The following MARCHF5 variants were observed in gnomAD, a reference collection of about 807,000 sequenced individuals.
The protein encoded by MARCHF5 is membrane associated ring-CH-type finger 5, also known as E3 ubiquitin-protein ligase MARCHF5.
Under a neutral mutation model 36.5 loss-of-function variants are expected in MARCHF5, and 5 were observed. The observed-to-expected ratio is 0.14, with a 90% CI of 0.07 to 0.29. The LOEUF (loss-of-function observed/expected upper bound fraction) is 0.29, where lower values mean the gene tolerates loss of function less well. Among genes scored for constraint, MARCHF5 ranks in the 10% least tolerant of loss-of-function variants. MARCHF5 has a pLI of 1.00. For missense variants in MARCHF5, 179 were observed against 336.3 expected, an observed-to-expected ratio of 0.53 and a Z score of 3.66; for synonymous variants, 103 against 109.9, an observed-to-expected ratio of 0.94 and a Z score of 0.39.
intron 2 of MARCHF5, among the ~76,000 whole-genome samples, chr10:92,331,889 G>T (rs372920281): frequency 2.2e-4 from 7 of 31,540 alleles, no homozygotes; most frequent in Non-Finnish European, 4.2e-4. Flanking sequence ...TCATATATAT[G>T]TATATATAAT....
At chr10:92,324,166 A>G (rs1420679262) in intron 2 of MARCHF5, among the ~76,000 whole-genome samples, 1 of 152,168 alleles carries the variant, frequency 6.6e-6, no homozygotes, top group Non-Finnish European at 1.5e-5. Flanking sequence ...GCATTTGTTT[A>G]TATGCCATCT....
chr10:92,338,664 C>T (rs1396371762), intron 2 of MARCHF5, among the ~76,000 whole-genome samples: 2 of 152,202 alleles, frequency 1.3e-5, no homozygotes, highest in Non-Finnish European at 2.9e-5. Context: ...AGTCTGTCTT[C>T]ATACAGTGAC....
intron 2 of MARCHF5, among the ~76,000 whole-genome samples, chr10:92,314,900 C>T (rs1464171567): frequency 6.6e-6 from 1 of 152,148 alleles, no homozygotes; most frequent in Non-Finnish European, 1.5e-5. Context: ...GCATTCTTAA[C>T]ATGCTGAAGA....
intron 2 of MARCHF5, among the ~76,000 whole-genome samples, chr10:92,320,628 A>G (rs1843279423): frequency 6.6e-6 from 1 of 151,244 alleles, no homozygotes; most frequent in Non-Finnish European, 1.5e-5. Flanking sequence ...TTTAAAAAGT[A>G]AGAATAATAA....
At chr10:92,315,468 A>T (rs1273927284) in intron 2 of MARCHF5, among the ~76,000 whole-genome samples, 1 of 152,206 alleles carries the variant, frequency 6.6e-6, no homozygotes, top group Non-Finnish European at 1.5e-5. Context: ...TCTTTTAATG[A>T]CAGAATTCAT....
intron 2 of MARCHF5, among the ~76,000 whole-genome samples, chr10:92,317,264 A>G (rs1384984820): frequency 6.6e-6 from 1 of 151,778 alleles, no homozygotes; most frequent in East Asian, 1.9e-4. Flanking sequence ...ACGCCTGACT[A>G]ATTTTTGTAT....
At chr10:92,340,847 T>A in intron 3 of MARCHF5, 44 bp downstream of exon 3, 1 of 1,469,840 alleles carries the variant, frequency 6.8e-7, no homozygotes, top group Non-Finnish European at 9.1e-7. Flanking sequence ...GGTGTGAAGA[T>A]CTATTAAAAC....
chr10:92,311,452 C>T lies in MARCHF5; in HGVS notation c.238+115C>T, dbSNP rs570719612. 16 of 689,426 alleles carry T rather than the reference C, an allele frequency of 2.3e-5. No individual in the cohort carries two copies. The East Asian group carries it at 3.0e-4, about 13-fold the overall frequency. 42.7% of individuals were successfully genotyped at this position (689,426 alleles called of 1,614,324 possible). ...TTTAGGGTGTGAATTTCTATATTCC[C>T]TTTCTCTTGTTTCCTCTCTGAATGT... On this transcript the variant is annotated intron_variant, in intron 2 of 5. Coordinates refer to ENST00000358935, the MANE Select transcript of MARCHF5 (RefSeq NM_017824.5).
At chr10:92,314,048 A>AAGAAAT (rs1460956289) in intron 2 of MARCHF5, among the ~76,000 whole-genome samples, 1 of 151,994 alleles carries the variant, frequency 6.6e-6, no homozygotes, top group Non-Finnish European at 1.5e-5. Flanking sequence ...GAAAAAGAAA[A>AAGAAAT]AGAAAAAAAA....
At chr10:92,325,400 G>C (rs1464063782) in intron 2 of MARCHF5, among the ~76,000 whole-genome samples, 2 of 152,154 alleles carry the variant, frequency 1.3e-5, no homozygotes, top group Non-Finnish European at 2.9e-5. Flanking sequence ...TAAATTGCCT[G>C]TTCCTCTGGT....
At chr10:92,324,519 G>T (rs1166482222) in intron 2 of MARCHF5, among the ~76,000 whole-genome samples, 3 of 152,100 alleles carry the variant, frequency 2.0e-5, no homozygotes, top group Admixed American at 2.0e-4. Context: ...CTGCTACCAC[G>T]CCCGGCTAAT....
chr10:92,300,700 T>A (rs1458743557), intron 1 of MARCHF5, among the ~76,000 whole-genome samples: 1 of 152,196 alleles, frequency 6.6e-6, no homozygotes, highest in Non-Finnish European at 1.5e-5. Flanking sequence ...GCTTGCGCAC[T>A]TTCTTCCAAA....
chr10:92,306,052 A>G (rs1322492281), intron 1 of MARCHF5, among the ~76,000 whole-genome samples: 1 of 152,242 alleles, frequency 6.6e-6, no homozygotes, highest in African/African-American at 2.4e-5. Context: ...GGTTAAGTCA[A>G]AAACCCAAAA....
chr10:92,335,357 G>A (rs1216563662), intron 2 of MARCHF5, among the ~76,000 whole-genome samples: 1 of 152,206 alleles, frequency 6.6e-6, no homozygotes, highest in African/African-American at 2.4e-5. Context: ...AAAGATTTCA[G>A]TGATTGTTCT....
intron 1 of MARCHF5, among the ~76,000 whole-genome samples, chr10:92,309,254 A>G (rs866329752): frequency 1.2e-4 from 18 of 152,344 alleles, no homozygotes; most frequent in Middle Eastern, 3.4e-3. Context: ...GGAAAAATAA[A>G]CCTTATCTAG....
At chr10:92,343,185 C>A (rs896059655) in intron 3 of MARCHF5, among the ~76,000 whole-genome samples, 1 of 152,138 alleles carries the variant, frequency 6.6e-6, no homozygotes, top group Non-Finnish European at 1.5e-5. Flanking sequence ...TAGTTTTTCA[C>A]CTCTGTCCTT....
intron 2 of MARCHF5, among the ~76,000 whole-genome samples, chr10:92,326,396 C>G (rs957834792): frequency 4.9e-4 from 74 of 152,070 alleles, no homozygotes; most frequent in African/African-American, 1.8e-3. Context: ...AATGGAAGCC[C>G]ATGGGCTTCC....
intron 2 of MARCHF5, among the ~76,000 whole-genome samples, chr10:92,331,608 A>C (rs1843436768): frequency 1.3e-5 from 2 of 151,886 alleles, no homozygotes; most frequent in African/African-American, 4.8e-5. Flanking sequence ...ATTTACATTT[A>C]TTTTAATACG....
intron 2 of MARCHF5, among the ~76,000 whole-genome samples, chr10:92,323,346 G>C (rs1843314182): frequency 6.6e-6 from 1 of 152,108 alleles, no homozygotes; most frequent in Non-Finnish European, 1.5e-5. Flanking sequence ...TTGTACCAGA[G>C]TGTTACATTT....
Sources: allele counts gnomAD v4.1 joint callset (sites outside exome capture counted in the v4.1 genomes callset), GRCh38; gene constraint gnomAD v4.1.1; transcripts MANE v1.5; gene names NCBI Gene and HGNC (gene_info 2026-07-23, HGNC 2026-07-21).